The following RERG variants were observed in gnomAD, a reference collection of about 807,000 sequenced individuals.
RERG encodes the protein ras-related and estrogen-regulated growth inhibitor.
A neutral mutation model predicts 23.2 loss-of-function variants in RERG; 25 were observed. The ratio of observed to expected loss-of-function variants is 1.08; its 90% CI spans 0.79 to 1.50. The LOEUF is 1.50. RERG is among the 40% of genes most tolerant of loss of function. RERG has a pLI of 0.00. For missense variants in RERG, 253 were observed against 250.1 expected, an observed-to-expected ratio of 1.01 and a Z score of -0.08; for synonymous variants, 81 against 89.1, an observed-to-expected ratio of 0.91 and a Z score of 0.51.
At position 15,109,495 on chromosome 12, in the gene RERG, C is replaced by A; in HGVS notation, c.215G>T (p.Gly72Val). ...AAAGCCTTCCCCCCATCGCATGTGC[C>A]CCTCCCTCTGAATGGTATCTTCCTG... ...AGQEDTIQRE[G>V]HMRWGEGFVL... The change falls in exon 5 of 5, where the codon GGG becomes GTG. Residue 72 changes from glycine (G) to valine (V), a missense_variant. By Grantham distance (109) the Gly-to-Val change is moderately radical. Transcript: ENST00000256953. The A allele has an allele frequency of 6.2e-7, 1 of 1,605,510 alleles. No homozygotes were observed.
chr12:15,165,304 C>G (rs1306097603), intron 2 of RERG, among the ~76,000 whole-genome samples: 1 of 152,154 alleles, frequency 6.6e-6, no homozygotes, highest in Non-Finnish European at 1.5e-5. Context: ...GTACCAAACA[C>G]TTCTTCTAGC....
chr12:15,196,128 T>A (rs933162008), intron 2 of RERG, among the ~76,000 whole-genome samples: 1 of 152,168 alleles, frequency 6.6e-6, no homozygotes, highest in African/African-American at 2.4e-5. Flanking sequence ...TCTATTCCTC[T>A]TCAAGTTTCC....
At chr12:15,192,270 T>A (rs1865082390) in intron 2 of RERG, among the ~76,000 whole-genome samples, 1 of 152,170 alleles carries the variant, frequency 6.6e-6, no homozygotes, top group South Asian at 2.1e-4. Flanking sequence ...CCTTCTGCGA[T>A]GATTGGAAGC....
At chr12:15,219,837 T>A (rs192698691) in intron 1 of RERG, among the ~76,000 whole-genome samples, 138 of 152,304 alleles carry the variant, frequency 9.1e-4, no homozygotes, top group Non-Finnish European at 1.7e-3. Context: ...AATGTGATTT[T>A]AAAAAAATGA....
intron 2 of RERG, among the ~76,000 whole-genome samples, chr12:15,155,638 G>C (rs1200951319): frequency 1.3e-5 from 2 of 152,146 alleles, no homozygotes; most frequent in African/African-American, 2.4e-5. Context: ...GGGAAGGCTG[G>C]GTAGGGCTTC....
At chr12:15,115,754 G>T (rs74068874) in intron 3 of RERG, among the ~76,000 whole-genome samples, 8,682 of 151,800 alleles carry the variant, frequency 0.057, 898 homozygotes, top group African/African-American at 0.2. Flanking sequence ...CAACTATTTT[G>T]CAGTCCTTTT....
chr12:15,145,941 A>G (rs1456522270), intron 2 of RERG, among the ~76,000 whole-genome samples: 1 of 152,238 alleles, frequency 6.6e-6, no homozygotes, highest in Non-Finnish European at 1.5e-5. Flanking sequence ...GTTGATTGAG[A>G]AATTTGCACC....
At chr12:15,135,069 C>T (rs977533546) in intron 2 of RERG, among the ~76,000 whole-genome samples, 1 of 152,146 alleles carries the variant, frequency 6.6e-6, no homozygotes, top group African/African-American at 2.4e-5. Context: ...TCACCATTTA[C>T]TTAGTTTTTC....
At chr12:15,181,047 G>A (rs752950166) in intron 2 of RERG, among the ~76,000 whole-genome samples, 1 of 151,960 alleles carries the variant, frequency 6.6e-6, no homozygotes, top group Admixed American at 6.6e-5. Context: ...ATGTCATTTA[G>A]CCACTAAGAA....
intron 2 of RERG, among the ~76,000 whole-genome samples, chr12:15,136,966 C>G (rs1328133956): frequency 6.6e-6 from 1 of 151,816 alleles, no homozygotes; most frequent in Non-Finnish European, 1.5e-5. Flanking sequence ...GATTTTCTAC[C>G]TGCTGGATCT....
At position 15,154,451 on chromosome 12, in the gene RERG, T is replaced by G. The variant is rs1375931844; in HGVS notation, c.62-33332A>C. 6 of 152,364 alleles carry G rather than the reference T, an allele frequency of 3.9e-5. No individual in the cohort carries two copies. The East Asian group carries it at 5.8e-4, about 15-fold the overall frequency. 9.4% of individuals were successfully genotyped at this position (152,364 alleles called of 1,614,324 possible). On this transcript the variant is annotated intron_variant, in intron 2 of 4. Transcript: ENST00000256953. ...AATATAAATTCTACTTTGATTATTG[T>G]TCCTTATGAAGGAGAGCAGTGTCTC...
At chr12:15,117,298 A>C (rs1863740261) in intron 3 of RERG, among the ~76,000 whole-genome samples, 1 of 152,168 alleles carries the variant, frequency 6.6e-6, no homozygotes, top group Non-Finnish European at 1.5e-5. Flanking sequence ...AATTTTGATT[A>C]AATTTACTTC....
rs1303783376 is a variant in RERG at position 15,111,384 on chromosome 12, T to C, written c.152A>G (p.Asp51Gly). Residue 51 changes from aspartate to glycine, a missense_variant, in exon 4 of 5, where the codon GAT becomes GGT. Asp to Gly is a moderately conservative substitution (Grantham distance 94). Coordinates refer to ENST00000256953, the MANE Select transcript of RERG (RefSeq NM_032918.3). Reference protein sequence around the residue: ...STYRHQATIDDEVVSMEILDT... With the variant: ...STYRHQATIDGEVVSMEILDT... The stretch of plus-strand genomic sequence containing the variant: ...TAGTATCTCCATGGAAACAACTTCA[T>C]CATCGATGGTTGCTTGGTGTCGGTA... 2 of 1,613,490 alleles carry C rather than the reference T, an allele frequency of 1.2e-6. No homozygotes were observed. The highest frequency in any genetic ancestry group is 1.7e-6 in the Non-Finnish European group (2 of 1,179,588).
chr12:15,120,340 T>C (rs1863808431), intron 3 of RERG, among the ~76,000 whole-genome samples: 1 of 152,180 alleles, frequency 6.6e-6, no homozygotes, highest in South Asian at 2.1e-4. Context: ...TCTCTTTCTG[T>C]ATACTGATTT....
chr12:15,114,486 G>C (rs916408393), intron 3 of RERG: 6 of 152,284 alleles, frequency 3.9e-5, no homozygotes, highest in Admixed American at 6.5e-5. Flanking sequence ...ATCAAATGAT[G>C]TTCTACCTGC....
chr12:15,159,917 TA>T (rs1225758312), intron 2 of RERG, among the ~76,000 whole-genome samples: 1 of 152,202 alleles, frequency 6.6e-6, no homozygotes, highest in Non-Finnish European at 1.5e-5. Context: ...GGGTGAGATT[TA>T]ATGCATCTTG....
intron 2 of RERG, among the ~76,000 whole-genome samples, chr12:15,150,785 T>A (rs1439517828): frequency 6.6e-6 from 1 of 152,172 alleles, no homozygotes; most frequent in Non-Finnish European, 1.5e-5. Context: ...CAGTTATTAC[T>A]ATTACAAGAA....
intron 2 of RERG, among the ~76,000 whole-genome samples, chr12:15,200,385 T>TGTCATCAC (rs200280469): frequency 0.01 from 1,568 of 152,186 alleles, 26 homozygotes; most frequent in African/African-American, 0.036. Context: ...ACCATCATCA[T>TGTCATCAC]GTAATTCTGA....
At chr12:15,149,909 G>A (rs1425500136) in intron 2 of RERG, among the ~76,000 whole-genome samples, 1 of 152,222 alleles carries the variant, frequency 6.6e-6, no homozygotes, top group Admixed American at 6.5e-5. Context: ...AATCGATCAT[G>A]TCATACTTTC....
Sources: allele counts gnomAD v4.1 joint callset (sites outside exome capture counted in the v4.1 genomes callset), GRCh38; gene constraint gnomAD v4.1.1; transcripts MANE v1.5; gene names NCBI Gene and HGNC (gene_info 2026-07-23, HGNC 2026-07-21).